The following FBN1 variants were observed in gnomAD, a reference collection of about 807,000 sequenced individuals.
FBN1 encodes the protein fibrillin-1.
In FBN1, 29 loss-of-function variants were observed where a neutral mutation model predicts 365.1. The ratio of observed to expected loss-of-function variants is 0.08; its 90% CI spans 0.06 to 0.11. The LOEUF (loss-of-function observed/expected upper bound fraction) is 0.11. FBN1 is among the 10% of genes least tolerant of loss of function. The pLI, the probability that FBN1 is intolerant of heterozygous loss-of-function variation, is 1.00. For synonymous variants in FBN1, 1,210 were observed against 1,270.5 expected, an observed-to-expected ratio of 0.95 and a Z score of 1.01; for missense variants, 2,476 against 3,703.2, an observed-to-expected ratio of 0.67 and a Z score of 8.60.
intron 6 of FBN1, among the ~76,000 whole-genome samples, chr15:48,565,224 A>G (rs1246044583): frequency 6.6e-6 from 1 of 152,202 alleles, no homozygotes; most frequent in South Asian, 2.1e-4. Flanking sequence ...TACATATTAA[A>G]TAGATACATG....
At chr15:48,633,271 C>T (rs1459062440) in intron 2 of FBN1, among the ~76,000 whole-genome samples, 4 of 152,166 alleles carry the variant, frequency 2.6e-5, no homozygotes, top group African/African-American at 9.7e-5. Context: ...GAGGAAAACA[C>T]AAGAATTTAA....
intron 42 of FBN1, 132 bp downstream of exon 42, chr15:48,462,950 A>G: frequency 1.1e-6 from 1 of 894,220 alleles, no homozygotes; most frequent in Non-Finnish European, 1.8e-6. Flanking sequence ...GTGAATTTAA[A>G]TCATGAGCCG....
intron 12 of FBN1, 129 bp from the exon 13 acceptor site, chr15:48,513,797 T>C (rs1025800650): frequency 2.5e-5 from 28 of 1,107,350 alleles, no homozygotes; most frequent in Admixed American, 4.1e-5. Context: ...TAAAAGGATC[T>C]TTTTTCTTTC....
chr15:48,446,370 T>C (rs2043158848), intron 47 of FBN1, among the ~76,000 whole-genome samples: 1 of 152,198 alleles, frequency 6.6e-6, no homozygotes, highest in African/African-American at 2.4e-5. Flanking sequence ...TATTTTCTTA[T>C]TAGTTATTGA....
At chr15:48,569,672 C>A (rs898380319) in intron 6 of FBN1, among the ~76,000 whole-genome samples, 3 of 151,986 alleles carry the variant, frequency 2.0e-5, no homozygotes, top group African/African-American at 7.3e-5. Flanking sequence ...CAACATTATG[C>A]CAAGTGAAAA....
chr15:48,562,851 A>T (rs1225374428), intron 6 of FBN1, among the ~76,000 whole-genome samples: 1 of 152,192 alleles, frequency 6.6e-6, no homozygotes, highest in Admixed American at 6.5e-5. Context: ...TATTGTTTTA[A>T]TCAATAGTTT....
chr15:48,600,833 G>A (rs1004816686), intron 4 of FBN1, among the ~76,000 whole-genome samples: 6 of 152,192 alleles, frequency 3.9e-5, no homozygotes, highest in African/African-American at 1.4e-4. Context: ...CAACAAGAAA[G>A]TATTGCCTTG....
chr15:48,447,679 A>AGT (rs1473460447), intron 46 of FBN1, among the ~76,000 whole-genome samples: 4 of 152,086 alleles, frequency 2.6e-5, no homozygotes, highest in African/African-American at 9.7e-5. Flanking sequence ...AGAGAGAGAG[A>AGT]GTGGAAGGTA....
At chr15:48,598,851 A>G (rs566579445) in intron 5 of FBN1, among the ~76,000 whole-genome samples, 1 of 152,240 alleles carries the variant, frequency 6.6e-6, no homozygotes, top group South Asian at 2.1e-4. Context: ...TTGAATTCTC[A>G]TATGTTGTGG....
chr15:48,645,042 T>C, intron 1 of FBN1, 92 bp from the exon 2 acceptor site: 1 of 278,664 alleles, frequency 3.6e-6, no homozygotes, highest in Non-Finnish European at 6.5e-6. Flanking sequence ...GCCCAACCCG[T>C]GCGCCGCCTG....
At chr15:48,607,875 T>C (rs1177838515) in intron 4 of FBN1, among the ~76,000 whole-genome samples, 6 of 152,220 alleles carry the variant, frequency 3.9e-5, no homozygotes, top group African/African-American at 1.2e-4. Flanking sequence ...TTATGACAAT[T>C]AGGATTGCTC....
At chr15:48,494,552 C>T (rs942070491) in intron 22 of FBN1, among the ~76,000 whole-genome samples, 1 of 152,194 alleles carries the variant, frequency 6.6e-6, no homozygotes, top group Admixed American at 6.5e-5. Flanking sequence ...AGCTTTCTCT[C>T]TTGCTGTTCA....
intron 6 of FBN1, among the ~76,000 whole-genome samples, chr15:48,580,479 G>A (rs192800192): frequency 2.8e-4 from 43 of 152,172 alleles, no homozygotes; most frequent in Non-Finnish European, 4.7e-4. Flanking sequence ...AAGTGCACTC[G>A]GTAACTGGCT....
intron 45 of FBN1, among the ~76,000 whole-genome samples, chr15:48,450,114 A>G (rs1278321338): frequency 6.6e-6 from 1 of 152,226 alleles, no homozygotes; most frequent in Admixed American, 6.5e-5. Context: ...TTCCCTTTTG[A>G]GAAAATGAAT....
intron 60 of FBN1, among the ~76,000 whole-genome samples, chr15:48,424,963 C>T (rs544680628): frequency 5.1e-4 from 77 of 152,292 alleles, no homozygotes; most frequent in Admixed American, 2.5e-3. Context: ...ATGTCCTCTA[C>T]GATCATGGCA....
At chr15:48,495,326 TAG>T in intron 21 of FBN1, 66 bp from the exon 22 acceptor site, 1 of 1,597,694 alleles carries the variant, frequency 6.3e-7, no homozygotes. Context: ...CTTGGAATTA[TAG>T]ACAAAAATAG....
chr15:48,425,399 T>A lies in FBN1; in HGVS notation c.7423A>T (p.Ile2475Phe), dbSNP rs1297696298. The A allele has an allele frequency of 1.2e-6, 2 of 1,614,218 alleles. No individual in the cohort carries two copies. Among genetic ancestry groups the A allele is most frequent in the East Asian group, 4.5e-5 (2 of 44,886 alleles). The change falls in exon 60 of 66, where the codon ATT (isoleucine) becomes TTT (phenylalanine). Residue 2475 changes from isoleucine (I) to phenylalanine (F), a missense_variant. By Grantham distance (21) the Ile-to-Phe change is conservative. Coordinates refer to ENST00000316623, the MANE Select transcript of FBN1 (RefSeq NM_000138.5). ...CAGCTCCTTCCATCCTCTTGCAGAATGTAGCCTTTCGGGCATGAACACTGG... is the reference window on the plus strand; with the variant it reads ...CAGCTCCTTCCATCCTCTTGCAGAAAGTAGCCTTTCGGGCATGAACACTGG... ...SYQCSCPKGY[I>F]LQEDGRSCKD...
Position 48,437,364 on chromosome 15 carries a change from A to G in FBN1, c.6337T>C (p.Tyr2113His). The G allele has an allele frequency of 6.2e-7, 1 of 1,613,536 alleles. No homozygotes were observed. The highest frequency in any genetic ancestry group is 8.5e-7 in the Non-Finnish European group (1 of 1,179,622). The change falls in exon 52 of 66, where the codon TAT (tyrosine) becomes CAT (histidine). Residue 2113 changes from tyrosine (Y) to histidine (H), a missense_variant. Tyr to His is a moderately conservative substitution (Grantham distance 83, BLOSUM62 2). Coordinates refer to ENST00000316623, the MANE Select transcript of FBN1 (RefSeq NM_000138.5). ...GGTCCCACGATGATCCCACTTCCAT[A>G]AGGACATATCTGGCGGAAGGCCTCT... The part of the protein sequence containing the change: ...PDEAFRQICP[Y>H]GSGIIVGPDD...
At chr15:48,595,275 T>C (rs2044507748) in intron 6 of FBN1, among the ~76,000 whole-genome samples, 1 of 152,264 alleles carries the variant, frequency 6.6e-6, no homozygotes, top group African/African-American at 2.4e-5. Flanking sequence ...ATGTTTTAAA[T>C]GACATATTCA....
Sources: gnomAD v4.1 joint callset for allele counts (sites outside exome capture counted in the v4.1 genomes callset) on GRCh38, gnomAD v4.1.1 for gene constraint, MANE v1.5 for transcripts, NCBI Gene and HGNC (gene_info 2026-07-23, HGNC 2026-07-21) for gene names.